WLS: variants seen among roughly 807,000 people sequenced by gnomAD.
WLS encodes Wnt ligand secretion mediator, also known as protein wntless homolog.
In WLS, 23 loss-of-function variants were observed where a neutral mutation model predicts 62.8. That is an observed-to-expected ratio of 0.37 (90% CI 0.26 to 0.52). WLS has a LOEUF of 0.52. Ranked by LOEUF, WLS falls within the 20% of genes least tolerant of loss-of-function variation. The probability of loss-of-function intolerance (pLI) is 0.92; values close to 1 mark genes in which losing one functional copy is unlikely to be tolerated. For synonymous variants in WLS, 246 were observed against 244.1 expected (o/e 1.01, Z -0.07); for missense variants, 615 against 697.3 (o/e 0.88, Z 1.33).
intron 9 of WLS, 107 bp from the exon 10 acceptor site, chr1:68,144,759 C>A: frequency 1.2e-6 from 1 of 855,024 alleles, no homozygotes; most frequent in Admixed American, 2.6e-5. Flanking sequence ...AAAACCAAAT[C>A]CCTAAGAATG....
At chr1:68,151,624 G>A (rs984502287) in intron 5 of WLS, among the ~76,000 whole-genome samples, 1 of 152,130 alleles carries the variant, frequency 6.6e-6, no homozygotes, top group Non-Finnish European at 1.5e-5. Flanking sequence ...AGCTAGGCAA[G>A]AGAGTGGAGA....
In WLS at chr1:68,191,191, G is replaced by A. The variant is rs549608799; in HGVS notation, c.379+2764C>T. ...AGGGTAAATCTTTTTCTTTATACTT[G>A]GAGCTAGAAGTAGGGATCTGTCTAG... On this transcript the variant is annotated intron_variant, in intron 2 of 11. Transcript: ENST00000262348. Among the ~76,000 whole-genome samples, 4 of 152,100 alleles carry A rather than the reference G, an allele frequency of 2.6e-5. No homozygotes were observed. The East Asian group carries it at 7.7e-4, about 29-fold the overall frequency.
In WLS at chr1:68,145,951, A is replaced by G; in HGVS notation, c.1196T>C (p.Met399Thr). 1 of 1,614,190 alleles carries G rather than the reference A, an allele frequency of 6.2e-7. No homozygotes were observed. The highest frequency in any genetic ancestry group is 1.1e-5 in the South Asian group (1 of 91,078). ...GATGTTCCGAAACACCTGAAATACCATGAAGCATAGAAACAGGAAGTAGAG... is the reference window on the plus strand; with the variant it reads ...GATGTTCCGAAACACCTGAAATACCGTGAAGCATAGAAACAGGAAGTAGAG... ...LCLYFLFLCF[M>T]VFQVFRNISG... Residue 399 changes from methionine (M) to threonine (T), a missense_variant, in exon 9 of 12, where the codon ATG becomes ACG. Met to Thr is a moderately conservative substitution (Grantham distance 81). Coordinates refer to ENST00000262348, the MANE Select transcript of WLS (RefSeq NM_024911.7).
intron 1 of WLS, among the ~76,000 whole-genome samples, chr1:68,211,281 C>A (rs1649503448): frequency 6.7e-6 from 1 of 149,518 alleles, no homozygotes. Context: ...GTTACAAAGT[C>A]AACCTCTACT....
chr1:68,148,294 G>T, intron 7 of WLS, 95 bp from the exon 8 acceptor site: 2 of 1,307,700 alleles, frequency 1.5e-6, no homozygotes, highest in Non-Finnish European at 2.2e-6. Flanking sequence ...CAGCTGCAGG[G>T]GTGAGGGCTG....
intron 11 of WLS, chr1:68,127,071 T>G (rs779195485): frequency 5.0e-6 from 2 of 401,402 alleles, no homozygotes; most frequent in Middle Eastern, 8.1e-4. Context: ...AACTCACACT[T>G]GTAACCTCAG....
At chr1:68,099,461 G>T (rs1159076172) in intron 11 of WLS, among the ~76,000 whole-genome samples, 1 of 152,162 alleles carries the variant, frequency 6.6e-6, no homozygotes, top group African/African-American at 2.4e-5. Flanking sequence ...ATGTTGATAA[G>T]ATTAAAAACA....
chr1:68,133,408 A>G (rs1223281879), intron 11 of WLS, among the ~76,000 whole-genome samples: 2 of 152,156 alleles, frequency 1.3e-5, no homozygotes, highest in African/African-American at 4.8e-5. Flanking sequence ...GCCACCTTTC[A>G]AGAGGTAGAT....
intron 11 of WLS, among the ~76,000 whole-genome samples, chr1:68,110,007 T>TAAAAAAAAAAA (rs11290966): frequency 1.4e-4 from 4 of 28,442 alleles, no homozygotes; most frequent in African/African-American, 3.2e-4. Context: ...ACACAAAAAG[T>TAAAAAAAAAAA]AAAAAAAAAA....
intron 6 of WLS, among the ~76,000 whole-genome samples, chr1:68,149,526 C>G (rs1181522723): frequency 6.6e-6 from 1 of 152,210 alleles, no homozygotes; most frequent in Non-Finnish European, 1.5e-5. Flanking sequence ...ACAGTCCACT[C>G]TGCTGTGAAG....
intron 1 of WLS, among the ~76,000 whole-genome samples, chr1:68,209,972 C>T (rs539114026): frequency 1.3e-5 from 2 of 152,254 alleles, no homozygotes; most frequent in Admixed American, 1.3e-4. Flanking sequence ...ATGAGAAAAA[C>T]TAATGCAGGG....
At chr1:68,177,497 T>C (rs1194300335) in intron 2 of WLS, among the ~76,000 whole-genome samples, 1 of 152,190 alleles carries the variant, frequency 6.6e-6, no homozygotes, top group Non-Finnish European at 1.5e-5. Flanking sequence ...CTCCTTTCTA[T>C]TCAAGTCCGA....
At chr1:68,160,828 G>C (rs1418450072) in intron 2 of WLS, among the ~76,000 whole-genome samples, 2 of 152,154 alleles carry the variant, frequency 1.3e-5, no homozygotes, top group Non-Finnish European at 2.9e-5. Flanking sequence ...ACTGTGAATA[G>C]AACATGTAAC....
chr1:68,175,491 G>A (rs1647225161), intron 2 of WLS, among the ~76,000 whole-genome samples: 1 of 152,184 alleles, frequency 6.6e-6, no homozygotes, highest in Non-Finnish European at 1.5e-5. Context: ...ATTTGAGTAA[G>A]TCACTTTACA....
chr1:68,201,282 G>C (rs1477756575), intron 1 of WLS, among the ~76,000 whole-genome samples: 1 of 152,156 alleles, frequency 6.6e-6, no homozygotes, highest in Non-Finnish European at 1.5e-5. Context: ...ACTTATCTAA[G>C]TTTTGGGTGG....
chr1:68,128,898 A>G (rs1007534975), intron 11 of WLS, among the ~76,000 whole-genome samples: 2 of 150,328 alleles, frequency 1.3e-5, no homozygotes, highest in Non-Finnish European at 1.5e-5. Flanking sequence ...TGTGGGATTC[A>G]AATAAATAGG....
Position 68,125,539 on chromosome 1 carries a change from A to T in WLS, c.*687T>A. The T allele has an allele frequency of 1.0e-6, 1 of 985,442 alleles. No individual in the cohort carries two copies. Among genetic ancestry groups the T allele is most frequent in the Non-Finnish European group, 1.2e-6 (1 of 829,922 alleles). 61.0% of individuals were successfully genotyped at this position (985,442 alleles called of 1,614,324 possible). ...AAGGCCATTTAATACAGTAAATCTT[A>T]CTTGGGTAGTTTAGCAAACATTTTT... On this transcript the variant is annotated 3_prime_UTR_variant, in exon 12 of 12. Transcript: ENST00000262348.
intron 2 of WLS, among the ~76,000 whole-genome samples, chr1:68,184,779 T>C (rs1167316611): frequency 6.6e-6 from 1 of 152,174 alleles, no homozygotes; most frequent in East Asian, 1.9e-4. Flanking sequence ...CTGTTCATAT[T>C]TGTAATTGGT....
At chr1:68,131,262 G>C (rs1464202717) in intron 11 of WLS, among the ~76,000 whole-genome samples, 1 of 151,344 alleles carries the variant, frequency 6.6e-6, no homozygotes, top group African/African-American at 2.4e-5. Context: ...GTGGTATATA[G>C]TAAGTGCTCA....
Sources: allele counts gnomAD v4.1 joint callset (sites outside exome capture counted in the v4.1 genomes callset), GRCh38; gene constraint gnomAD v4.1.1; transcripts MANE v1.5; gene names NCBI Gene and HGNC (gene_info 2026-07-23, HGNC 2026-07-21).